APOB: variants seen among roughly 807,000 people sequenced by gnomAD.
The protein encoded by APOB is apolipoprotein B.
In APOB, 153 loss-of-function variants were observed where a neutral mutation model predicts 314.1. The ratio of observed to expected loss-of-function variants is 0.49; its 90% CI spans 0.43 to 0.56. APOB has a LOEUF of 0.56. Among genes scored for constraint, APOB ranks in the 20% least tolerant of loss-of-function variants. The pLI, the probability that APOB is intolerant of heterozygous loss-of-function variation, is 0.00. For synonymous variants in APOB, 2,087 were observed against 2,036.4 expected, an observed-to-expected ratio of 1.02 and a Z score of -0.67; for missense variants, 5,430 against 5,350.7, an observed-to-expected ratio of 1.01 and a Z score of -0.46.
chr2:21,023,387 T>TA, intron 17 of APOB, 138 bp downstream of exon 17: 2 of 1,060,102 alleles, frequency 1.9e-6, no homozygotes, highest in African/African-American at 1.6e-5. Context: ...AAGTTTTTCA[T>TA]AAAAAAATAA....
chr2:21,023,035 G>T lies in APOB; in HGVS notation c.2612C>A (p.Ala871Asp), dbSNP rs1384732513. Residue 871 changes from alanine (A) to aspartate (D), a missense_variant, in exon 18 of 29, where the codon GCT becomes GAT. Transcript: ENST00000233242. ...CACGGAGGGTTTTGCCACCAGTTCA[G>T]CCTGCATCTATAAGTCAGAAAACAA... ...GVKLEVANMQ[A>D]ELVAKPSVSV... 2 of 1,614,068 alleles carry T rather than the reference G, an allele frequency of 1.2e-6. No homozygotes were observed. The highest frequency in any genetic ancestry group is 1.7e-6 in the Non-Finnish European group (2 of 1,179,976).
At chr2:21,015,731 A>G (rs1663448197) in intron 21 of APOB, among the ~76,000 whole-genome samples, 186 bp from the exon 22 acceptor site, 1 of 152,194 alleles carries the variant, frequency 6.6e-6, no homozygotes, top group Non-Finnish European at 1.5e-5. Context: ...CTTTGCAAAC[A>G]GGTTTAGGAG....
chr2:21,002,832 A>G lies in APOB; in HGVS notation c.12590T>C (p.Leu4197Pro). The G allele has an allele frequency of 1.9e-6, 3 of 1,612,602 alleles. No individual in the cohort carries two copies. The highest frequency in any genetic ancestry group is 2.5e-6 in the Non-Finnish European group (3 of 1,179,358). ...CGGAAACTGGAATCTGGGGAAGTTCAGAAAATCAATGAGTGAGTCAATCAG... is the reference window on the plus strand; with the variant it reads ...CGGAAACTGGAATCTGGGGAAGTTCGGAAAATCAATGAGTGAGTCAATCAG... ...KHLIDSLIDFLNFPRFQFPGK... is the reference protein window; with the variant it reads ...KHLIDSLIDFPNFPRFQFPGK... The change falls in exon 29 of 29, where the codon CTG becomes CCG. Residue 4197 changes from leucine (L) to proline (P), a missense_variant. Physicochemically the swap from Leu to Pro is moderately conservative, Grantham distance 98. This residue lies in a region of APOB where 3,281 missense variants were observed against 3,171.0 expected (regional missense o/e 1.03). Coordinates refer to ENST00000233242, the MANE Select transcript of APOB (RefSeq NM_000384.3).
intron 25 of APOB, 141 bp downstream of exon 25, chr2:21,013,019 G>C: frequency 1.0e-6 from 1 of 995,418 alleles, no homozygotes; most frequent in South Asian, 1.5e-5. Context: ...ATTTCTATTT[G>C]TTGAATAAAA....
rs757789853 is a variant in APOB, at chr2:21,002,978, G to T, written c.12444C>A (p.Ala4148=). 45 of 1,595,938 alleles carry T rather than the reference G, an allele frequency of 2.8e-5. No homozygotes were observed. The highest frequency in any genetic ancestry group is 1.7e-4 in the Middle Eastern group (1 of 5,964). The change falls in exon 29 of 29, where the codon GCC becomes GCA. Residue 4148 remains alanine, a synonymous_variant. Transcript: ENST00000233242. The part of the protein sequence containing the change: ...TGTYQEWKDK[A]QNLYQELLTQ... ...TCAACAGTTCCTGGTACAGATTCTG[G>T]GCCTTGTCCTTCCACTCTTGGTAGG...
At position 21,040,825 on chromosome 2, in the gene APOB, G is replaced by A. The variant is rs1038726954; in HGVS notation, c.383+113C>T. The A allele has an allele frequency of 5.0e-5, 61 of 1,224,864 alleles. 2 individuals are homozygous for A. The highest frequency in any genetic ancestry group is 5.2e-4 in the Middle Eastern group (2 of 3,816). The allele number at this position is 1,224,864 out of a possible 1,614,324, so 75.9% of individuals were successfully genotyped here. ...AAAACTCAGTAATTCCCTGATCCAC[G>A]ATGGATACGGAATACAAATACTTAC... On this transcript the variant is annotated intron_variant, in intron 4 of 28. Coordinates refer to ENST00000233242, the MANE Select transcript of APOB (RefSeq NM_000384.3).
chr2:21,023,641 T>C lies in APOB; in HGVS notation c.2488A>G (p.Ile830Val), dbSNP rs768737631. 1.2e-6 allele frequency: 2 copies of C among 1,613,606 alleles called. No individual in the cohort carries two copies. The highest frequency in any genetic ancestry group is 1.7e-6 in the Non-Finnish European group (2 of 1,179,530). The change falls in exon 17 of 29, where the codon ATC becomes GTC. Residue 830 changes from isoleucine to valine, a missense_variant. By Grantham distance (29) the Ile-to-Val change is conservative. This residue lies in a region of APOB where 2,085 missense variants were observed against 2,079.7 expected (regional missense o/e 1.00). Transcript: ENST00000233242. ...GSKNDFFLHY[I>V]FMENAFELPT... ...AGTTCAAAGGCATTCTCCATGAAGATGTAGTGAAGAAAAAAGTCATTCTTT... is the reference window on the plus strand; with the variant it reads ...AGTTCAAAGGCATTCTCCATGAAGACGTAGTGAAGAAAAAAGTCATTCTTT...
chr2:21,022,407 T>C (rs1035222871), intron 18 of APOB, among the ~76,000 whole-genome samples: 1 of 152,238 alleles, frequency 6.6e-6, no homozygotes, highest in Non-Finnish European at 1.5e-5. Flanking sequence ...AGGAGTTTCA[T>C]GCTTTACCTA....
rs751223868 is a variant in APOB, at chr2:21,028,487, T to A, written c.1669A>T (p.Lys557Ter). The stretch of plus-strand genomic sequence containing the variant: ...AACATAAGATAGGCAGCCAGTCGCT[T>A]ATCTCCCGGAGAAGCATCATCAAGG... ...TFLDDASPGD[K>*]RLAAYLMLMR... The change falls in exon 13 of 29, where the codon AAG (lysine) becomes TAG (stop). Residue 557 changes from lysine to a stop codon, truncating the protein, a stop_gained. Transcript: ENST00000233242. LOFTEE classifies it high-confidence loss of function. The A allele has an allele frequency of 6.2e-7, 1 of 1,614,052 alleles. No homozygotes were observed. The highest frequency in any genetic ancestry group is 8.5e-7 in the Non-Finnish European group (1 of 1,180,032).
chr2:21,024,699 A>G, intron 16 of APOB: 1 of 679,996 alleles, frequency 1.5e-6, no homozygotes, highest in Non-Finnish European at 2.7e-6. Context: ...CAGATGAATA[A>G]ATTAATGCTC....
rs771524155 is a variant in APOB, at chr2:21,005,564, T to C, written c.11304A>G (p.Ile3768Met). Residue 3768 changes from isoleucine (I) to methionine (M), a missense_variant, in exon 26 of 29, where the codon ATA (isoleucine) becomes ATG (methionine). Coordinates refer to ENST00000233242, the MANE Select transcript of APOB (RefSeq NM_000384.3). ...AAGTTCTCAGCTTCTTATAGATTTG[T>C]ATTTCTCTGAAGTCAAGTTTGCACG... is the stretch of plus-strand genomic sequence containing the variant. Reference protein sequence around the residue: ...VPSCKLDFREIQIYKKLRTSS... With the variant: ...VPSCKLDFREMQIYKKLRTSS... The C allele has an allele frequency of 6.2e-7, 1 of 1,614,094 alleles. No individual in the cohort carries two copies. The highest frequency in any genetic ancestry group is 1.7e-5 in the Admixed American group (1 of 60,022).
Position 21,010,090 on chromosome 2 carries a change from T to C in APOB, c.6778A>G (p.Ile2260Val). 6.2e-7 allele frequency: 1 copy of C among 1,613,348 alleles called. No individual in the cohort carries two copies. The highest frequency in any genetic ancestry group is 8.5e-7 in the Non-Finnish European group (1 of 1,179,832). The change falls in exon 26 of 29, where the codon ATC (isoleucine) becomes GTC (valine). Residue 2260 changes from isoleucine to valine, a missense_variant. By Grantham distance (29) the Ile-to-Val change is conservative. Coordinates refer to ENST00000233242, the MANE Select transcript of APOB (RefSeq NM_000384.3). ...QNVDTKYQIRIQIQEKLQQLK... is the reference protein window; with the variant it reads ...QNVDTKYQIRVQIQEKLQQLK... ...TGCTGCAGTTTTTCTTGTATCTGGA[T>C]TCTGATTTGGTACTTAGTATCCACA... is the stretch of plus-strand genomic sequence containing the variant.
chr2:21,004,481 A>G (rs1170871394), intron 27 of APOB, 29 bp from the exon 28 acceptor site: 1 of 1,613,826 alleles, frequency 6.2e-7, no homozygotes. Context: ...ATGAGCTATC[A>G]CGAAAGGGGT....
At position 21,009,142 on chromosome 2, in the gene APOB, G is replaced by C. The variant is rs767146440; in HGVS notation, c.7726C>G (p.Arg2576Gly). The C allele has an allele frequency of 1.9e-6, 3 of 1,613,878 alleles. No individual in the cohort carries two copies. The highest frequency in any genetic ancestry group is 2.7e-5 in the African/African-American group (2 of 74,904). Residue 2576 changes from arginine (R) to glycine (G), a missense_variant, in exon 26 of 29, where the codon CGT (arginine) becomes GGT (glycine). Physicochemically the swap from Arg to Gly is moderately radical, Grantham distance 125. Around this residue, in one of 3 missense-constraint regions of APOB, gnomAD observed 3,281 missense variants for 3,171.0 expected, o/e 1.03. Transcript: ENST00000233242. The part of the protein sequence containing the change: ...EQYSIQDWAK[R>G]MKALVEQGFT... ...CCTTGCTCTACCAATGCTTTCATAC[G>C]TTTAGCCCAATCTTGGATAGAATAT... is the stretch of plus-strand genomic sequence containing the variant.
Position 21,001,593 on chromosome 2 carries a change from C to G in APOB, c.*137G>C. Reference sequence around the variant, plus strand: ...TTGGTGCAGGTCCAGTTCATATGTGCTTCTGCTTATAGTCTACTGCCTACT... The same window carrying G: ...TTGGTGCAGGTCCAGTTCATATGTGGTTCTGCTTATAGTCTACTGCCTACT... On this transcript the variant is annotated 3_prime_UTR_variant, in exon 29 of 29. Transcript: ENST00000233242. The G allele has an allele frequency of 1.2e-6, 1 of 803,778 alleles. No individual in the cohort carries two copies. Among genetic ancestry groups the G allele is most frequent in the Non-Finnish European group, 2.0e-6 (1 of 506,588 alleles). 49.8% of individuals were successfully genotyped at this position (803,778 alleles called of 1,614,324 possible). A position where few individuals can be genotyped will look rare whatever the true frequency, so the allele number is the denominator to read the frequency against.
Position 21,026,802 on chromosome 2 carries a change from C to T in APOB, c.2230G>A (p.Asp744Asn), listed in dbSNP as rs1237885120. The T allele has an allele frequency of 3.7e-6, 6 of 1,613,704 alleles. No homozygotes were observed. Among genetic ancestry groups the T allele is most frequent in the African/African-American group, 1.3e-5 (1 of 74,920 alleles). Reference sequence around the variant, plus strand: ...CAAATACACACCTGCTCATGTTTATCATCTTTGGTATAGCCAAAGTGGTCC... The same window carrying T: ...CAAATACACACCTGCTCATGTTTATTATCTTTGGTATAGCCAAAGTGGTCC... ...LVDHFGYTKD[D>N]KHEQDMVNGI... The change falls in exon 15 of 29, where the codon GAT (aspartate) becomes AAT (asparagine). Residue 744 changes from aspartate to asparagine, a missense_variant. Physicochemically the swap from Asp to Asn is conservative, Grantham distance 23. Transcript: ENST00000233242.
intron 16 of APOB, chr2:21,024,137 A>G (rs1663678878): frequency 6.5e-6 from 1 of 153,184 alleles, no homozygotes; most frequent in Admixed American, 6.5e-5. Context: ...TTTATTTTTT[A>G]AATAATATTT....
chr2:21,038,375 C>T (rs1269872128), intron 4 of APOB, among the ~76,000 whole-genome samples: 3 of 151,118 alleles, frequency 2.0e-5, no homozygotes, highest in Admixed American at 6.6e-5. Context: ...CTCGCTCGGT[C>T]GCCCGGGCTG....
In APOB at chr2:21,015,267, A is replaced by T; in HGVS notation, c.3509-7T>A. On this transcript the variant is annotated splice_region_variant and splice_polypyrimidine_tract_variant and intron_variant, in intron 22 of 28. Transcript: ENST00000233242. ...AATTCAATCTTCTCTTCATCTGAAA[A>T]TACGTAGGAAATAGTTGTGAATGGT... The T allele has an allele frequency of 6.2e-7, 1 of 1,614,144 alleles. No homozygotes were observed. The highest frequency in any genetic ancestry group is 1.1e-5 in the South Asian group (1 of 91,072).
Sources: allele counts gnomAD v4.1 joint callset (sites outside exome capture counted in the v4.1 genomes callset), GRCh38; gene constraint gnomAD v4.1.1; regional missense constraint gnomAD v4.1.1; transcripts MANE v1.5; gene names NCBI Gene and HGNC (gene_info 2026-07-23, HGNC 2026-07-21).